The following GUCY1A2 variants were observed in gnomAD, a reference collection of about 807,000 sequenced individuals.
The protein encoded by GUCY1A2 is guanylate cyclase 1 soluble subunit alpha 2, also known as guanylate cyclase soluble subunit alpha-2.
Under a neutral mutation model 63.5 loss-of-function variants are expected in GUCY1A2, and 27 were observed. The ratio of observed to expected loss-of-function variants is 0.43; its 90% CI spans 0.31 to 0.59. GUCY1A2 has a LOEUF of 0.59. Ranked by LOEUF, GUCY1A2 falls within the 20% of genes least tolerant of loss-of-function variation. The probability of loss-of-function intolerance (pLI) is 0.11; values close to 1 mark genes in which losing one functional copy is unlikely to be tolerated. For missense variants in GUCY1A2, 768 were observed against 913.3 expected (o/e 0.84, Z 2.05); for synonymous variants, 364 against 343.5 (o/e 1.06, Z -0.66).
At chr11:106,979,261 C>A (rs1198103824) in intron 2 of GUCY1A2, among the ~76,000 whole-genome samples, 1 of 152,178 alleles carries the variant, frequency 6.6e-6, no homozygotes, top group East Asian at 1.9e-4. Flanking sequence ...CAAGACCATC[C>A]TGGCTAACAC....
In GUCY1A2 at chr11:106,900,590, T is replaced by C. The variant is rs186463298; in HGVS notation, c.1206+38870A>G. Among the ~76,000 whole-genome samples, 12 of 152,360 alleles carry C rather than the reference T, an allele frequency of 7.9e-5. 1 individual carries two copies. The highest frequency in any genetic ancestry group is 7.8e-4 in the Admixed American group (12 of 15,304). Reference sequence around the variant, plus strand: ...AATAAGACTCGTGTGTTTCTAATGATAAGCTTCCTTTTCTGAATAATTTCT... The same window carrying C: ...AATAAGACTCGTGTGTTTCTAATGACAAGCTTCCTTTTCTGAATAATTTCT... On this transcript the variant is annotated intron_variant, in intron 4 of 7. Transcript: ENST00000526355.
chr11:106,805,536 G>A (rs953013758), intron 5 of GUCY1A2, among the ~76,000 whole-genome samples: 2 of 152,192 alleles, frequency 1.3e-5, no homozygotes, highest in South Asian at 2.1e-4. Context: ...GTGAGCCACC[G>A]TGCCTGGCCA....
chr11:106,965,559 TTCTAGTGGTC>T (rs1861116995), intron 3 of GUCY1A2, among the ~76,000 whole-genome samples: 1 of 152,236 alleles, frequency 6.6e-6, no homozygotes, highest in East Asian at 1.9e-4. Flanking sequence ...GATGGCTCTC[TTCTAGTGGTC>T]ACACTCAAGC....
chr11:106,862,163 G>A lies in GUCY1A2; in HGVS notation c.1207-51685C>T, dbSNP rs374815240. On this transcript the variant is annotated intron_variant, in intron 4 of 7. Transcript: ENST00000526355. Reference sequence around the variant, plus strand: ...AACACTGTTTTCTTCACCAGAGTCTGTGTTAATAGTGGAAAGACTATATAG... The same window carrying A: ...AACACTGTTTTCTTCACCAGAGTCTATGTTAATAGTGGAAAGACTATATAG... Among the ~76,000 whole-genome samples, 162 of 152,090 alleles carry A rather than the reference G, an allele frequency of 1.1e-3. 9 individuals carry two copies. In the South Asian group the frequency reaches 0.031, roughly 30 times the overall value.
intron 1 of GUCY1A2, among the ~76,000 whole-genome samples, chr11:106,995,596 C>G (rs896013445): frequency 1.1e-4 from 17 of 152,230 alleles, no homozygotes; most frequent in African/African-American, 4.1e-4. Flanking sequence ...TCCTGAATAA[C>G]CTTTTCTCAG....
Position 107,018,124 on chromosome 11 carries a change from G to C in GUCY1A2, c.-69C>G, listed in dbSNP as rs1861854828. ...CGCGAGCGGCGGCGGAGGCGGCGGT[G>C]GCGGGACCGGCAAGCGACAACGTTA... On this transcript the variant is annotated 5_prime_UTR_variant, in exon 1 of 8. Coordinates refer to ENST00000526355, the MANE Select transcript of GUCY1A2 (RefSeq NM_000855.3). 4.7e-6 allele frequency: 5 copies of C among 1,053,284 alleles called. No individual in the cohort carries two copies. Among genetic ancestry groups the C allele is most frequent in the Middle Eastern group, 3.2e-4 (1 of 3,172 alleles). 65.2% of individuals were successfully genotyped at this position (1,053,284 alleles called of 1,614,324 possible). A position where few individuals can be genotyped will look rare whatever the true frequency, so the allele number is the denominator to read the frequency against.
At chr11:106,870,841 C>T (rs1417208838) in intron 4 of GUCY1A2, among the ~76,000 whole-genome samples, 1 of 152,120 alleles carries the variant, frequency 6.6e-6, no homozygotes, top group Non-Finnish European at 1.5e-5. Flanking sequence ...CGCCTAAAGC[C>T]ATACATCATA....
intron 5 of GUCY1A2, among the ~76,000 whole-genome samples, chr11:106,807,043 C>G (rs910599645): frequency 6.6e-6 from 1 of 152,076 alleles, no homozygotes; most frequent in Non-Finnish European, 1.5e-5. Flanking sequence ...CCATCTAGTT[C>G]TTTTCTCTTG....
At chr11:106,716,310 A>C (rs1396414158) in intron 6 of GUCY1A2, among the ~76,000 whole-genome samples, 3 of 152,056 alleles carry the variant, frequency 2.0e-5, no homozygotes, top group Admixed American at 1.3e-4. Flanking sequence ...GGTGGCCTGC[A>C]TTGTGCATTA....
At chr11:106,692,829 A>C (rs1862648534) in intron 7 of GUCY1A2, among the ~76,000 whole-genome samples, 1 of 152,156 alleles carries the variant, frequency 6.6e-6, no homozygotes, top group Non-Finnish European at 1.5e-5. Context: ...GTCTTTCCAT[A>C]AAGTGATTAT....
chr11:106,684,169 A>G lies in GUCY1A2; in HGVS notation c.*3380T>C, dbSNP rs1862480387. 1 of 184,618 alleles carries G rather than the reference A, an allele frequency of 5.4e-6. No individual in the cohort carries two copies. The highest frequency in any genetic ancestry group is 1.1e-5 in the Non-Finnish European group (1 of 87,048). The allele number at this position is 184,618 out of a possible 1,614,324, so 11.4% of individuals were successfully genotyped here. A position where few individuals can be genotyped will look rare whatever the true frequency, so the allele number is the denominator to read the frequency against. ...GAGGAAGGAGTGCAAGACTGTAAGA[A>G]ACAACATTTGAAGTGCTGAACCTAC... On this transcript the variant is annotated 3_prime_UTR_variant, in exon 8 of 8. Transcript: ENST00000526355.
chr11:106,928,071 A>G (rs1370540067), intron 4 of GUCY1A2, among the ~76,000 whole-genome samples: 8 of 152,206 alleles, frequency 5.3e-5, no homozygotes. Context: ...CTATTGTTAG[A>G]TCTACACCTA....
At chr11:106,753,896 T>A (rs531382216) in intron 6 of GUCY1A2, among the ~76,000 whole-genome samples, 1 of 152,316 alleles carries the variant, frequency 6.6e-6, no homozygotes, top group South Asian at 2.1e-4. Flanking sequence ...GTGAAGAAAG[T>A]CAGTGGTAGC....
intron 4 of GUCY1A2, among the ~76,000 whole-genome samples, chr11:106,824,558 TGTCAA>T (rs1303541077): frequency 1.5e-4 from 23 of 152,066 alleles, no homozygotes; most frequent in Non-Finnish European, 2.8e-4. Context: ...TGCAAAAGCA[TGTCAA>T]GTCAAGTGCC....
chr11:107,004,383 T>C (rs1041958202), intron 1 of GUCY1A2, among the ~76,000 whole-genome samples: 2 of 152,212 alleles, frequency 1.3e-5, no homozygotes, highest in African/African-American at 4.8e-5. Flanking sequence ...TAAAAGCATT[T>C]GATCAATTCT....
At chr11:106,789,509 G>T (rs576489118) in intron 5 of GUCY1A2, among the ~76,000 whole-genome samples, 1 of 152,074 alleles carries the variant, frequency 6.6e-6, no homozygotes, top group Non-Finnish European at 1.5e-5. Context: ...CGTTCATTTG[G>T]TGAAGTCACA....
At chr11:106,941,201 T>TG (rs1860748291) in intron 3 of GUCY1A2, among the ~76,000 whole-genome samples, 1 of 152,190 alleles carries the variant, frequency 6.6e-6, no homozygotes, top group Non-Finnish European at 1.5e-5. Flanking sequence ...AGGTTATTGT[T>TG]AAGTTTTCTC....
At chr11:106,839,845 A>T (rs1391603162) in intron 4 of GUCY1A2, among the ~76,000 whole-genome samples, 3 of 118,074 alleles carry the variant, frequency 2.5e-5, no homozygotes, top group African/African-American at 9.9e-5. Flanking sequence ...AACATCACAC[A>T]CCGGGGCCTG....
At chr11:106,792,191 G>C (rs904926564) in intron 5 of GUCY1A2, among the ~76,000 whole-genome samples, 2 of 151,998 alleles carry the variant, frequency 1.3e-5, no homozygotes, top group Non-Finnish European at 2.9e-5. Context: ...TTCGAGACCA[G>C]CTTGGCCAAC....
Sources: allele counts gnomAD v4.1 joint callset (sites outside exome capture counted in the v4.1 genomes callset), GRCh38; gene constraint gnomAD v4.1.1; transcripts MANE v1.5; gene names NCBI Gene and HGNC (gene_info 2026-07-23, HGNC 2026-07-21).